FOXN2: variants seen among roughly 807,000 people sequenced by gnomAD.
FOXN2 encodes forkhead box protein N2.
A neutral mutation model predicts 41.2 loss-of-function variants in FOXN2; 19 were observed. The ratio of observed to expected loss-of-function variants is 0.46; its 90% CI spans 0.32 to 0.68. FOXN2 has a LOEUF of 0.68. FOXN2 is among the 30% of genes least tolerant of loss of function. The pLI is 0.03. For synonymous variants in FOXN2, 195 were observed against 176.8 expected (o/e 1.10, Z -0.82); for missense variants, 587 against 509.4 (o/e 1.15, Z -1.47).
At chr2:48,315,018 G>T (rs1002373617) in intron 1 of FOXN2, among the ~76,000 whole-genome samples, 1 of 152,132 alleles carries the variant, frequency 6.6e-6, no homozygotes, top group Non-Finnish European at 1.5e-5. Context: ...GTATCGGGTG[G>T]TGTGTGGGCT....
intron 2 of FOXN2, among the ~76,000 whole-genome samples, chr2:48,332,106 A>G (rs1205519364): frequency 6.6e-6 from 1 of 152,158 alleles, no homozygotes; most frequent in Non-Finnish European, 1.5e-5. Context: ...TGTAACTAGG[A>G]GATATTTATA....
At position 48,377,050 on chromosome 2, in the gene FOXN2, G is replaced by A. The variant is rs1460284959; in HGVS notation, c.*1607G>A. 6.6e-6 allele frequency: 1 copy of A among 151,646 alleles called. No homozygotes were observed. The highest frequency in any genetic ancestry group is 2.1e-4 in the South Asian group (1 of 4,812). 9.4% of individuals were successfully genotyped at this position (151,646 alleles called of 1,614,324 possible). On this transcript the variant is annotated 3_prime_UTR_variant, in exon 7 of 7. Transcript: ENST00000340553. ...GATTTTAAAAACTTTTTTTTCAATT[G>A]ACAAGACTTTAAGTCAGGGATAACA...
At chr2:48,341,395 A>G (rs1479085497) in intron 2 of FOXN2, among the ~76,000 whole-genome samples, 2 of 152,178 alleles carry the variant, frequency 1.3e-5, no homozygotes, top group Non-Finnish European at 2.9e-5. Context: ...TGAACACACT[A>G]AAATTGTGCA....
chr2:48,359,545 C>G (rs1248337677), intron 4 of FOXN2, among the ~76,000 whole-genome samples: 1 of 152,132 alleles, frequency 6.6e-6, no homozygotes, highest in Non-Finnish European at 1.5e-5. Context: ...CCTCCCACCT[C>G]TGCCTCCCAA....
At chr2:48,354,166 A>G (rs946508731) in intron 3 of FOXN2, among the ~76,000 whole-genome samples, 2 of 152,212 alleles carry the variant, frequency 1.3e-5, no homozygotes, top group African/African-American at 4.8e-5. Flanking sequence ...TAGGAAAAGT[A>G]TGGTGTAATG....
rs752420486 is a variant in FOXN2, at chr2:48,373,554, G to T, written c.772+194G>T. Among the ~76,000 whole-genome samples, 10 of 152,070 alleles carry T rather than the reference G, an allele frequency of 6.6e-5. No homozygotes were observed. In the South Asian group the frequency reaches 1.7e-3, roughly 25 times the overall value. ...ATTGAGAGATTGAAGTTAATGCTTC[G>T]ATTTTTCTTACATTGACCAAGAAAT... is the stretch of plus-strand genomic sequence containing the variant. On this transcript the variant is annotated intron_variant, in intron 6 of 6. Coordinates refer to ENST00000340553, the MANE Select transcript of FOXN2 (RefSeq NM_002158.4).
At chr2:48,328,476 G>T (rs1669823039) in intron 1 of FOXN2, 85 bp from the exon 2 acceptor site, 1 of 152,044 alleles carries the variant, frequency 6.6e-6, no homozygotes, top group African/African-American at 2.4e-5. Flanking sequence ...ATTGTTTAGG[G>T]AATAACGACA....
At chr2:48,373,945 C>T (rs886882032) in intron 6 of FOXN2, among the ~76,000 whole-genome samples, 1 of 151,854 alleles carries the variant, frequency 6.6e-6, no homozygotes, top group Non-Finnish European at 1.5e-5. Flanking sequence ...GTCCCAGCTA[C>T]TCAGGAGGCT....
chr2:48,375,480 T>C lies in FOXN2; in HGVS notation c.*37T>C. 1 of 1,538,466 alleles carries C rather than the reference T, an allele frequency of 6.5e-7. No individual in the cohort carries two copies. Among genetic ancestry groups the C allele is most frequent in the East Asian group, 2.3e-5 (1 of 44,042 alleles). On this transcript the variant is annotated 3_prime_UTR_variant, in exon 7 of 7. Transcript: ENST00000340553. Reference sequence around the variant, plus strand: ...GTGTGGCAATACTCTTTCACTTAATTCTTTACAAGGGATATCAAAGCCATA... The same window carrying C: ...GTGTGGCAATACTCTTTCACTTAATCCTTTACAAGGGATATCAAAGCCATA...
intron 3 of FOXN2, among the ~76,000 whole-genome samples, chr2:48,358,667 T>C (rs762036653): frequency 2.0e-5 from 3 of 152,192 alleles, no homozygotes; most frequent in African/African-American, 7.2e-5. Context: ...GCTTATATCA[T>C]AGAAGATTTG....
At chr2:48,339,835 A>G (rs1217727197) in intron 2 of FOXN2, among the ~76,000 whole-genome samples, 14 of 152,254 alleles carry the variant, frequency 9.2e-5, no homozygotes, top group Admixed American at 8.5e-4. Flanking sequence ...AAAGACTTCT[A>G]TAACAGTAGT....
chr2:48,374,166 A>G (rs76493569), intron 6 of FOXN2, among the ~76,000 whole-genome samples: 3,963 of 152,274 alleles, frequency 0.026, 83 homozygotes, highest in Middle Eastern at 0.088. Context: ...AAGGATTAGT[A>G]TCAAGTATAT....
At chr2:48,370,056 C>G (rs1672786444) in intron 5 of FOXN2, among the ~76,000 whole-genome samples, 1 of 151,906 alleles carries the variant, frequency 6.6e-6, no homozygotes, top group Non-Finnish European at 1.5e-5. Flanking sequence ...AGTAATCTCT[C>G]TGTTGGGGCT....
chr2:48,333,117 G>C (rs951142211), intron 2 of FOXN2, among the ~76,000 whole-genome samples: 2 of 151,986 alleles, frequency 1.3e-5, no homozygotes, highest in Non-Finnish European at 2.9e-5. Flanking sequence ...AAGGAAGAAG[G>C]CTTTCATTTT....
chr2:48,368,117 C>T (rs575463212), intron 5 of FOXN2, among the ~76,000 whole-genome samples: 1 of 151,960 alleles, frequency 6.6e-6, no homozygotes, highest in South Asian at 2.1e-4. Context: ...GCTGGGATTA[C>T]AGGTGTGAGC....
At chr2:48,322,906 C>CTT (rs1375578471) in intron 1 of FOXN2, among the ~76,000 whole-genome samples, 1 of 140,782 alleles carries the variant, frequency 7.1e-6, no homozygotes, top group African/African-American at 2.6e-5. Flanking sequence ...TTTATTGTTT[C>CTT]TTTTTTTTTT....
intron 3 of FOXN2, among the ~76,000 whole-genome samples, chr2:48,348,245 TTCTC>T (rs1471264428): frequency 5.3e-5 from 8 of 152,322 alleles, no homozygotes; most frequent in East Asian, 3.9e-4. Flanking sequence ...CCTCCACTCT[TTCTC>T]TCTTAGTTTG....
chr2:48,346,555 C>T lies in FOXN2; in HGVS notation c.341C>T (p.Pro114Leu). The T allele has an allele frequency of 6.2e-7, 1 of 1,613,840 alleles. No homozygotes were observed. Among genetic ancestry groups the T allele is most frequent in the Non-Finnish European group, 8.5e-7 (1 of 1,179,928 alleles). ...AAAAAATCAGCGACTTCAAAGCCCC[C>T]ATACTCCTTTAGTCTTCTCATTTAT... ...PEKKSATSKP[P>L]YSFSLLIYMA... Residue 114 changes from proline to leucine, a missense_variant, in exon 3 of 7, where the codon CCA becomes CTA. Transcript: ENST00000340553.
At chr2:48,357,003 C>G (rs923448262) in intron 3 of FOXN2, among the ~76,000 whole-genome samples, 11 of 152,022 alleles carry the variant, frequency 7.2e-5, no homozygotes, top group African/African-American at 2.7e-4. Context: ...TCATCTAAGC[C>G]CAATAATATA....
Sources: gnomAD v4.1 joint callset for allele counts (sites outside exome capture counted in the v4.1 genomes callset) on GRCh38, gnomAD v4.1.1 for gene constraint, MANE v1.5 for transcripts, NCBI Gene and HGNC (gene_info 2026-07-23, HGNC 2026-07-21) for gene names.